The following ROBO2 variants were observed in gnomAD, a reference collection of about 807,000 sequenced individuals.
ROBO2 encodes the protein roundabout guidance receptor 2, also known as roundabout homolog 2.
Under a neutral mutation model 160.8 loss-of-function variants are expected in ROBO2, and 53 were observed. That is an observed-to-expected ratio of 0.33 (90% CI 0.26 to 0.41). ROBO2 has a LOEUF of 0.41. Among genes scored for constraint, ROBO2 ranks in the 10% least tolerant of loss-of-function variants. The pLI, the probability that ROBO2 is intolerant of heterozygous loss-of-function variation, is 1.00. For missense variants in ROBO2, 1,577 were observed against 1,722.4 expected, an observed-to-expected ratio of 0.92 and a Z score of 1.49; for synonymous variants, 664 against 611.7, an observed-to-expected ratio of 1.09 and a Z score of -1.26.
At chr3:77,477,192 AT>A (rs2084115632) in intron 2 of ROBO2, among the ~76,000 whole-genome samples, 1 of 152,130 alleles carries the variant, frequency 6.6e-6, no homozygotes, top group Non-Finnish European at 1.5e-5. Flanking sequence ...TTAAAGTTGA[AT>A]TTTTGACCAA....
chr3:77,240,202 T>C (rs1472193339), intron 2 of ROBO2, among the ~76,000 whole-genome samples: 1 of 152,100 alleles, frequency 6.6e-6, no homozygotes, highest in African/African-American at 2.4e-5. Flanking sequence ...CACTCGGGCA[T>C]GGCAGGCTGC....
intron 2 of ROBO2, among the ~76,000 whole-genome samples, chr3:76,463,834 C>T (rs1329648735): frequency 1.3e-5 from 2 of 152,176 alleles, no homozygotes; most frequent in African/African-American, 4.8e-5. Context: ...TCGAGCTCAA[C>T]AGAAAGTCTT....
chr3:76,352,527 T>G (rs892321791), intron 2 of ROBO2, among the ~76,000 whole-genome samples: 1 of 152,024 alleles, frequency 6.6e-6, no homozygotes, highest in Non-Finnish European at 1.5e-5. Flanking sequence ...AGCCTGATGT[T>G]TAATTCCCTA....
At chr3:76,369,763 A>G (rs2076010614) in intron 2 of ROBO2, among the ~76,000 whole-genome samples, 1 of 151,908 alleles carries the variant, frequency 6.6e-6, no homozygotes, top group African/African-American at 2.4e-5. Context: ...TATACATACT[A>G]AATATTTCCT....
At chr3:77,519,544 G>T (rs2090373812) in intron 5 of ROBO2, among the ~76,000 whole-genome samples, 2 of 151,044 alleles carry the variant, frequency 1.3e-5, no homozygotes, top group South Asian at 2.1e-4. Flanking sequence ...AGTGTCTATT[G>T]TTTCCATCTT....
At chr3:77,060,699 T>C (rs997032073) in intron 1 of ROBO2, among the ~76,000 whole-genome samples, 1 of 152,124 alleles carries the variant, frequency 6.6e-6, no homozygotes, top group Non-Finnish European at 1.5e-5. Context: ...CCCTACCCCA[T>C]CATCTTATTT....
intron 2 of ROBO2, among the ~76,000 whole-genome samples, chr3:76,844,377 T>C (rs2068583885): frequency 6.6e-6 from 1 of 152,008 alleles, no homozygotes; most frequent in East Asian, 1.9e-4. Context: ...GAAAGATCTA[T>C]GTATGTAGTA....
chr3:76,076,107 A>G (rs1242075787), intron 2 of ROBO2, among the ~76,000 whole-genome samples: 1 of 152,192 alleles, frequency 6.6e-6, no homozygotes, highest in Non-Finnish European at 1.5e-5. Flanking sequence ...TGTGACTGTA[A>G]TTGTACTCAC....
intron 2 of ROBO2, among the ~76,000 whole-genome samples, chr3:76,725,967 C>A (rs1186957924): frequency 6.6e-6 from 1 of 152,088 alleles, no homozygotes; most frequent in Non-Finnish European, 1.5e-5. Context: ...AGGTCATATG[C>A]GAATTACTTA....
intron 2 of ROBO2, among the ~76,000 whole-genome samples, chr3:77,235,174 T>C (rs1393707659): frequency 2.0e-5 from 3 of 152,202 alleles, no homozygotes; most frequent in Admixed American, 6.5e-5. Context: ...CAATATTCGA[T>C]AACCTTTATT....
Position 76,303,763 on chromosome 3 carries a change from G to A in ROBO2, c.109+366161G>A, listed in dbSNP as rs146050948. On this transcript the variant is annotated intron_variant, in intron 2 of 26. Transcript: ENST00000487694. ...GGAAAGGAAACATTAGCAAAATGCA[G>A]TGTAATATTAGGAGCTCATTTGAAG... 7.6e-3 allele frequency among the ~76,000 whole-genome samples: 1,162 copies of A among 152,314 alleles called. 11 individuals are homozygous for A. The highest frequency in any genetic ancestry group is 0.017 in the Middle Eastern group (5 of 294).
At chr3:76,811,421 T>C (rs1370712676) in intron 2 of ROBO2, among the ~76,000 whole-genome samples, 1 of 152,178 alleles carries the variant, frequency 6.6e-6, no homozygotes, top group African/African-American at 2.4e-5. Flanking sequence ...TGAGATAAAA[T>C]CAAACAGATC....
At chr3:77,379,395 A>G (rs1433129716) in intron 2 of ROBO2, among the ~76,000 whole-genome samples, 2 of 152,134 alleles carry the variant, frequency 1.3e-5, no homozygotes, top group African/African-American at 4.8e-5. Flanking sequence ...TATGCACTCA[A>G]TTAAAAAATG....
At chr3:76,487,250 G>C (rs879155322) in intron 2 of ROBO2, among the ~76,000 whole-genome samples, 1 of 151,854 alleles carries the variant, frequency 6.6e-6, no homozygotes, top group Admixed American at 6.6e-5. Context: ...AAAGTGCAGG[G>C]ATTACAGGAG....
At chr3:76,065,629 G>T (rs2068225416) in intron 2 of ROBO2, among the ~76,000 whole-genome samples, 1 of 151,260 alleles carries the variant, frequency 6.6e-6, no homozygotes, top group Admixed American at 6.6e-5. Context: ...TGTTAGGGAA[G>T]AAGTAAAAAT....
intron 2 of ROBO2, among the ~76,000 whole-genome samples, chr3:76,460,052 G>A (rs3849496): frequency 0.62 from 94,730 of 151,756 alleles, 29,922 homozygotes; most frequent in African/African-American, 0.73. Flanking sequence ...TAACACAAAG[G>A]AAAATGTTCT....
rs561835071 is a variant in ROBO2, at chr3:75,960,073, T to G, written c.109+22471T>G. ...GAGCACCCTCAAATCTGTCTTTCCA[T>G]AGAGTACTTTGCTGGGGTGAGGGGA... On this transcript the variant is annotated intron_variant, in intron 2 of 26. Transcript: ENST00000487694. Among the ~76,000 whole-genome samples the G allele has an allele frequency of 2.4e-3, 369 of 151,746 alleles. 1 individual carries two copies. Among genetic ancestry groups the G allele is most frequent in the African/African-American group, 8.6e-3 (358 of 41,466 alleles).
chr3:76,359,593 AT>A (rs1232216510), intron 2 of ROBO2, among the ~76,000 whole-genome samples: 1 of 152,010 alleles, frequency 6.6e-6, no homozygotes. Flanking sequence ...TTTTATACAT[AT>A]TTCTCAGGCT....
At chr3:76,813,493 C>G (rs2065380989) in intron 2 of ROBO2, among the ~76,000 whole-genome samples, 1 of 151,980 alleles carries the variant, frequency 6.6e-6, no homozygotes, top group African/African-American at 2.4e-5. Context: ...AAATATGCTG[C>G]CTTTTTGCTT....
Sources: gnomAD v4.1 joint callset for allele counts (sites outside exome capture counted in the v4.1 genomes callset) on GRCh38, gnomAD v4.1.1 for gene constraint, MANE v1.5 for transcripts, NCBI Gene and HGNC (gene_info 2026-07-23, HGNC 2026-07-21) for gene names.